The following TP53BP2 variants were observed in gnomAD, a reference collection of about 807,000 sequenced individuals.
TP53BP2 encodes tumor protein p53 binding protein 2.
In TP53BP2, 62 loss-of-function variants were observed where a neutral mutation model predicts 126.2. The observed-to-expected ratio is 0.49, with a 90% confidence interval of 0.40 to 0.61. The LOEUF (loss-of-function observed/expected upper bound fraction) is 0.61. Among genes scored for constraint, TP53BP2 ranks in the 20% least tolerant of loss-of-function variants. The probability of loss-of-function intolerance (pLI) is 0.00; values close to 1 mark genes in which losing one functional copy is unlikely to be tolerated. For synonymous variants in TP53BP2, 485 were observed against 502.9 expected, an observed-to-expected ratio of 0.96 and a Z score of 0.48; for missense variants, 1,215 against 1,402.8, an observed-to-expected ratio of 0.87 and a Z score of 2.14.
chr1:223,812,451 C>T (rs1169896368), intron 3 of TP53BP2, among the ~76,000 whole-genome samples: 2 of 151,936 alleles, frequency 1.3e-5, no homozygotes, highest in Non-Finnish European at 2.9e-5. Context: ...GGTGTGATCT[C>T]GGCTCACTGC....
chr1:223,802,960 T>C, intron 7 of TP53BP2, 65 bp from the exon 8 acceptor site: 1 of 1,526,582 alleles, frequency 6.6e-7, no homozygotes, highest in Non-Finnish European at 9.0e-7. Flanking sequence ...AAACAGTTAA[T>C]CACATGGTTA....
chr1:223,784,771 G>C (rs1381749400), intron 16 of TP53BP2, among the ~76,000 whole-genome samples: 1 of 152,194 alleles, frequency 6.6e-6, no homozygotes, highest in Non-Finnish European at 1.5e-5. Context: ...GAGAAAAAAA[G>C]ATGGAGGCAC....
chr1:223,802,972 CT>C, intron 7 of TP53BP2, 77 bp from the exon 8 acceptor site: 3 of 1,489,792 alleles, frequency 2.0e-6, no homozygotes, highest in Non-Finnish European at 2.8e-6. Context: ...ACATGGTTAA[CT>C]ATTATATAAT....
intron 15 of TP53BP2, 144 bp downstream of exon 15, chr1:223,792,245 A>T: frequency 1.1e-6 from 1 of 913,354 alleles, no homozygotes; most frequent in Non-Finnish European, 1.6e-6. Flanking sequence ...CCTCAAAAAT[A>T]GATACCACAT....
rs1661723361 is a variant in TP53BP2 at position 223,780,266 on chromosome 1, A to G, written c.*587T>C. The G allele has an allele frequency of 6.6e-6, 1 of 152,248 alleles. No homozygotes were observed. The highest frequency in any genetic ancestry group is 6.5e-5 in the Admixed American group (1 of 15,288). 9.4% of individuals were successfully genotyped at this position (152,248 alleles called of 1,614,324 possible). A position where few individuals can be genotyped will look rare whatever the true frequency, so the allele number is the denominator to read the frequency against. On this transcript the variant is annotated 3_prime_UTR_variant, in exon 18 of 18. Transcript: ENST00000343537. Reference sequence around the variant, plus strand: ...TTACTGGTACCGTAGCTTAGTTTCAATATTTCAAACATATGTATAATTCTT... The same window carrying G: ...TTACTGGTACCGTAGCTTAGTTTCAGTATTTCAAACATATGTATAATTCTT...
chr1:223,810,594 C>T, intron 3 of TP53BP2, 81 bp from the exon 4 acceptor site: 2 of 954,238 alleles, frequency 2.1e-6, no homozygotes, highest in East Asian at 2.7e-5. Context: ...TGAGTTCTGT[C>T]ATTACTGTTT....
At chr1:223,784,636 G>C (rs145501985) in intron 16 of TP53BP2, among the ~76,000 whole-genome samples, 11 of 152,124 alleles carry the variant, frequency 7.2e-5, no homozygotes, top group Non-Finnish European at 1.3e-4. Context: ...AAAAAGAACT[G>C]TTCAAGTCTA....
intron 3 of TP53BP2, among the ~76,000 whole-genome samples, chr1:223,811,960 T>C (rs1662921921): frequency 6.6e-6 from 1 of 151,112 alleles, no homozygotes; most frequent in Non-Finnish European, 1.5e-5. Context: ...TACAGCAAGA[T>C]ATTTGAACAG....
intron 1 of TP53BP2, among the ~76,000 whole-genome samples, chr1:223,835,400 C>T (rs1012896940): frequency 6.6e-6 from 1 of 152,216 alleles, no homozygotes; most frequent in Admixed American, 6.5e-5. Flanking sequence ...AGAACAAATA[C>T]ATTTAGTTAA....
intron 1 of TP53BP2, among the ~76,000 whole-genome samples, chr1:223,843,296 G>C (rs1468200972): frequency 1.3e-5 from 2 of 151,768 alleles, no homozygotes; most frequent in African/African-American, 4.8e-5. Context: ...TCAGCCTCCC[G>C]AGTAGCTGGG....
rs1462069216 is a variant in TP53BP2 at position 223,798,625 on chromosome 1, T to A, written c.1538A>T (p.Lys513Ile). The stretch of plus-strand genomic sequence containing the variant: ...TCCAAAATAAGGCAAATTAATCTGT[T>A]TTGGTTTTGTAGGAACAGGAGGTGG... ...KVPPPVPTKP[K>I]QINLPYFGQT... Residue 513 changes from lysine to isoleucine, a missense_variant, in exon 12 of 18, where the codon AAA becomes ATA. Physicochemically the swap from Lys to Ile is moderately radical, Grantham distance 102. Coordinates refer to ENST00000343537, the MANE Select transcript of TP53BP2 (RefSeq NM_001031685.3). 6.2e-7 allele frequency: 1 copy of A among 1,614,080 alleles called. No individual in the cohort carries two copies. Among genetic ancestry groups the A allele is most frequent in the South Asian group, 1.1e-5 (1 of 91,048 alleles).
chr1:223,810,623 T>C, intron 3 of TP53BP2, 110 bp from the exon 4 acceptor site: 1 of 782,422 alleles, frequency 1.3e-6, no homozygotes, highest in Non-Finnish European at 2.0e-6. Context: ...AAGTTGAATG[T>C]ATTCTTAAAA....
intron 4 of TP53BP2, among the ~76,000 whole-genome samples, chr1:223,809,365 G>A (rs1040245536): frequency 2.3e-4 from 35 of 152,064 alleles, no homozygotes; most frequent in African/African-American, 8.0e-4. Context: ...TCAGGAGTTC[G>A]AAACCAGCCT....
intron 14 of TP53BP2, 94 bp downstream of exon 14, chr1:223,793,209 G>C: frequency 1.1e-6 from 1 of 912,132 alleles, no homozygotes. Context: ...CAAAATACAA[G>C]GTCATATTTT....
At chr1:223,800,093 A>G (rs769002349) in intron 10 of TP53BP2, 46 bp from the exon 11 acceptor site, 2 of 1,533,480 alleles carry the variant, frequency 1.3e-6, no homozygotes, top group South Asian at 1.3e-5. Flanking sequence ...TTTAGAATAA[A>G]GTATCTCATT....
At chr1:223,834,990 A>G in intron 1 of TP53BP2, 1 of 347,898 alleles carries the variant, frequency 2.9e-6, no homozygotes, top group Non-Finnish European at 4.0e-6. Context: ...CTCCTACATT[A>G]TAACTCACTC....
chr1:223,812,040 A>G (rs76562553), intron 3 of TP53BP2, among the ~76,000 whole-genome samples: 2 of 152,008 alleles, frequency 1.3e-5, no homozygotes, highest in South Asian at 4.1e-4. Flanking sequence ...AAAAAAAAAA[A>G]TAAGATGCAA....
intron 15 of TP53BP2, among the ~76,000 whole-genome samples, chr1:223,790,410 T>C (rs936123219): frequency 4.0e-5 from 6 of 151,358 alleles, no homozygotes; most frequent in East Asian, 1.9e-4. Context: ...TACAAAAAAA[T>C]AGCCAGGTGT....
At chr1:223,788,841 C>T (rs189015206) in intron 16 of TP53BP2, among the ~76,000 whole-genome samples, 167 bp downstream of exon 16, 2 of 152,272 alleles carry the variant, frequency 1.3e-5, no homozygotes, top group African/African-American at 4.8e-5. Context: ...TCTAAGCATA[C>T]AAACAGAAGC....
Sources: gnomAD v4.1 joint callset for allele counts (sites outside exome capture counted in the v4.1 genomes callset) on GRCh38, gnomAD v4.1.1 for gene constraint, MANE v1.5 for transcripts, NCBI Gene and HGNC (gene_info 2026-07-23, HGNC 2026-07-21) for gene names.